The following IRGM variants were observed in gnomAD, a reference collection of about 807,000 sequenced individuals.
The protein encoded by IRGM is immunity related GTPase M.
For synonymous variants in IRGM, 98 were observed against 80.6 expected (o/e 1.22, Z -1.16); for missense variants, 288 against 219.9 (o/e 1.31, Z -1.96).
At chr5:150,895,348 A>G in intron 3 of IRGM, 1 of 1,206,916 alleles carries the variant, frequency 8.3e-7, no homozygotes, top group Non-Finnish European at 1.1e-6. Context: ...GTTGTCCCCA[A>G]GCTTATCAAA....
rs1363171558 is a variant in IRGM at position 150,847,737 on chromosome 5, A to T, written c.-387A>T. 1.0e-5 allele frequency: 2 copies of T among 194,380 alleles called. No individual in the cohort carries two copies. Among genetic ancestry groups the T allele is most frequent in the Admixed American group, 1.1e-4 (2 of 18,906 alleles). 12.0% of individuals were successfully genotyped at this position (194,380 alleles called of 1,614,324 possible). On this transcript the variant is annotated 5_prime_UTR_variant, in exon 2 of 2. Coordinates refer to ENST00000522154, the MANE Select transcript of IRGM (RefSeq NM_001145805.2). ...ACTCCAGTGCCCACAGATACGACAG[A>T]GTGTCCCAAGTGCCCCTCACACTCT...
intron 1 of IRGM, among the ~76,000 whole-genome samples, chr5:150,868,675 A>G (rs1203111380): frequency 3.3e-5 from 5 of 152,074 alleles, no homozygotes; most frequent in Non-Finnish European, 7.4e-5. Context: ...TTTTTCTTGT[A>G]GAGGTATTTC....
intron 3 of IRGM, chr5:150,898,397 ACT>A: frequency 1.9e-6 from 3 of 1,613,214 alleles, no homozygotes; most frequent in Non-Finnish European, 2.5e-6. Context: ...TGATTGGACA[ACT>A]CTGAGTTATT....
At chr5:150,856,911 ATATT>A (rs1754062036) in intron 1 of IRGM, among the ~76,000 whole-genome samples, 1 of 70,708 alleles carries the variant, frequency 1.4e-5, no homozygotes, top group Non-Finnish European at 2.5e-5. Flanking sequence ...AAATAAATAA[ATATT>A]TATTATTTAT....
At chr5:150,878,308 G>A (rs894074636) in intron 2 of IRGM, among the ~76,000 whole-genome samples, 2 of 152,102 alleles carry the variant, frequency 1.3e-5, no homozygotes, top group South Asian at 2.1e-4. Flanking sequence ...TCATGAGATT[G>A]TGGTGAAAGA....
chr5:150,896,631 C>T lies in IRGM; in HGVS notation c.*141-3958C>T, dbSNP rs145259949. ...TTTTTTTCTTGAATTGCTCTTATAA[C>T]AACTCGGTAGGTCAATATTTGGTTT... On this transcript the variant is annotated intron_variant and NMD_transcript_variant, in intron 3 of 3. Coordinates refer to the IRGM transcript ENST00000520549. 727 of 1,613,594 alleles carry T rather than the reference C, an allele frequency of 4.5e-4. 4 individuals carry two copies. The African/African-American group carries it at 8.3e-3, about 19-fold the overall frequency.
At chr5:150,878,634 G>T (rs983352870) in intron 2 of IRGM, among the ~76,000 whole-genome samples, 6 of 151,966 alleles carry the variant, frequency 3.9e-5, no homozygotes, top group African/African-American at 1.5e-4. Context: ...TTGTAGAATT[G>T]TAGTAAAACT....
chr5:150,849,574 A>G (rs80249982), downstream of IRGM, among the ~76,000 whole-genome samples: 14,135 of 149,728 alleles, frequency 0.094, 976 homozygotes, highest in East Asian at 0.39. Context: ...AATTCTAACC[A>G]TATATATGGG....
chr5:150,896,256 G>C, intron 3 of IRGM: 1 of 1,613,654 alleles, frequency 6.2e-7, no homozygotes, highest in Non-Finnish European at 8.5e-7. Flanking sequence ...TCCACATTCA[G>C]AACAATCATA....
chr5:150,896,446 T>C, intron 3 of IRGM: 3 of 1,613,656 alleles, frequency 1.9e-6, no homozygotes, highest in Non-Finnish European at 2.5e-6. Context: ...CTTTTCTCTT[T>C]AGTTTCCACA....
downstream of IRGM, chr5:150,848,703 C>A: frequency 7.3e-7 from 1 of 1,379,180 alleles, no homozygotes; most frequent in Non-Finnish European, 9.8e-7. Context: ...CCATCTCCTC[C>A]TATTGATTCC....
intron 1 of IRGM, among the ~76,000 whole-genome samples, chr5:150,870,858 C>T (rs1754272919): frequency 6.6e-6 from 1 of 151,822 alleles, no homozygotes; most frequent in Non-Finnish European, 1.5e-5. Context: ...TTGTTTGTTT[C>T]TGTTTTTGTT....
At chr5:150,889,276 A>C (rs1322469871) in intron 3 of IRGM, among the ~76,000 whole-genome samples, 1 of 152,064 alleles carries the variant, frequency 6.6e-6, no homozygotes, top group East Asian at 1.9e-4. Flanking sequence ...GAGGCCTCAC[A>C]ATCATGGCAG....
At chr5:150,853,381 A>G (rs913130944), downstream of IRGM, among the ~76,000 whole-genome samples, 7 of 152,148 alleles carry the variant, frequency 4.6e-5, no homozygotes, top group Non-Finnish European at 7.4e-5. Context: ...ATATTCACTT[A>G]AGAAAAAAAC....
intron 3 of IRGM, among the ~76,000 whole-genome samples, chr5:150,880,409 A>G (rs1754427957): frequency 6.6e-6 from 1 of 152,220 alleles, no homozygotes. Flanking sequence ...TTATTTTAGT[A>G]AATCTTTCTC....
In IRGM at chr5:150,848,175, G is replaced by C; in HGVS notation, c.52G>C (p.Val18Leu). 1 of 1,551,690 alleles carries C rather than the reference G, an allele frequency of 6.4e-7. No individual in the cohort carries two copies. ...CTCAGCAGATGGGAACTTGCCAGAG[G>C]TGATCTCTAACATCAAGGAGACTCT... The part of the protein sequence containing the change: ...KASADGNLPE[V>L]ISNIKETLKI... Residue 18 changes from valine to leucine, a missense_variant, in exon 2 of 2, where the codon GTG becomes CTG. Transcript: ENST00000522154.
chr5:150,888,695 A>G lies in IRGM; in HGVS notation c.*140+9049A>G, dbSNP rs114001353. ...AAAATTAACATGGTTCTGAATGACT[A>G]TGGGGTAAATAATGAAATTATGGCA... is the stretch of plus-strand genomic sequence containing the variant. On this transcript the variant is annotated intron_variant and NMD_transcript_variant, in intron 3 of 3. Coordinates refer to the IRGM transcript ENST00000520549. Among the ~76,000 whole-genome samples the G allele has an allele frequency of 4.9e-3, 749 of 152,156 alleles. 3 individuals are homozygous for G. Among genetic ancestry groups the G allele is most frequent in the African/African-American group, 0.017 (725 of 41,540 alleles).
chr5:150,893,076 G>A (rs1339466225), intron 3 of IRGM, among the ~76,000 whole-genome samples: 2 of 151,892 alleles, frequency 1.3e-5, no homozygotes. Context: ...TATACTTACT[G>A]CTATACATTG....
rs371272900 is a variant in IRGM, at chr5:150,876,589, GTA to G, written c.159-1389_159-1388del. Among the ~76,000 whole-genome samples, 944 of 152,338 alleles carry G rather than the reference GTA, an allele frequency of 6.2e-3. 7 individuals carry two copies. The highest frequency in any genetic ancestry group is 0.021 in the African/African-American group (860 of 41,574). ...TACACCACAGTGAAGCTAAGGAAGA[GTA>G]TGTGTGGAATACAGGAGTTAGGGCA... On this transcript the variant is annotated intron_variant and NMD_transcript_variant, in intron 1 of 3. Transcript: ENST00000520549.
Sources: allele counts gnomAD v4.1 joint callset (sites outside exome capture counted in the v4.1 genomes callset), GRCh38; gene constraint gnomAD v4.1.1; transcripts MANE v1.5; gene names NCBI Gene and HGNC (gene_info 2026-07-23, HGNC 2026-07-21).